The following GSE1 variants were observed in gnomAD, a reference collection of about 807,000 sequenced individuals.
The protein encoded by GSE1 is Gse1 coiled-coil protein.
A neutral mutation model predicts 112.6 loss-of-function variants in GSE1; 32 were observed. That is an observed-to-expected ratio of 0.28 (90% CI 0.21 to 0.38). GSE1 has a LOEUF of 0.38. GSE1 is among the 10% of genes least tolerant of loss of function. The probability of loss-of-function intolerance (pLI) is 1.00; values close to 1 mark genes in which losing one functional copy is unlikely to be tolerated. For missense variants in GSE1, 2,348 were observed against 1,699.2 expected (o/e 1.38, Z -6.71); for synonymous variants, 1,115 against 735.6 (o/e 1.52, Z -8.35).
At chr16:85,628,482 T>A (rs1219529401) in intron 1 of GSE1, among the ~76,000 whole-genome samples, 2 of 152,096 alleles carry the variant, frequency 1.3e-5, no homozygotes, top group East Asian at 1.9e-4. Flanking sequence ...CTGGTGATAG[T>A]GACACTGAGG....
chr16:85,304,355 C>T lies in GSE1; in HGVS notation c.2284-53108C>T, dbSNP rs548358128. 2.6e-3 allele frequency among the ~76,000 whole-genome samples: 398 copies of T among 152,286 alleles called. 2 individuals carry two copies. The highest frequency in any genetic ancestry group is 3.9e-3 in the Admixed American group (59 of 15,300). ...CTACAGCCAGGTGGGGAGAGGCCCT[C>T]GGTGGGGCCGGGGCTCTCTAGCAGA... On this transcript the variant is annotated intron_variant, in intron 1 of 2. Transcript: ENST00000637419.
chr16:85,269,100 A>G (rs911288093), intron 1 of GSE1, among the ~76,000 whole-genome samples: 6 of 149,530 alleles, frequency 4.0e-5, no homozygotes, highest in South Asian at 4.2e-4. Flanking sequence ...CCGAGCATCA[A>G]TGCCATTCAG....
intron 2 of GSE1, among the ~76,000 whole-genome samples, chr16:85,496,257 G>A (rs773507116): frequency 6.6e-6 from 1 of 152,222 alleles, no homozygotes; most frequent in Non-Finnish European, 1.5e-5. Context: ...CTCCAAGGCC[G>A]TCGTCAGGGA....
intron 1 of GSE1, among the ~76,000 whole-genome samples, chr16:85,194,750 T>C (rs1313342907): frequency 6.6e-6 from 1 of 152,204 alleles, no homozygotes; most frequent in Non-Finnish European, 1.5e-5. Context: ...CTGTGCAGTG[T>C]GTTTCAGGAA....
chr16:85,621,093 T>TG (rs1430189724), intron 1 of GSE1, among the ~76,000 whole-genome samples: 1 of 151,968 alleles, frequency 6.6e-6, no homozygotes, highest in Non-Finnish European at 1.5e-5. Flanking sequence ...TCTGCACTGT[T>TG]GGGGAACCCG....
intron 1 of GSE1, among the ~76,000 whole-genome samples, chr16:85,630,632 T>C (rs564800632): frequency 6.6e-6 from 1 of 152,352 alleles, no homozygotes; most frequent in East Asian, 1.9e-4. Flanking sequence ...TTTTTAACCA[T>C]TACAGTTCAA....
chr16:85,289,339 C>T, intron 1 of GSE1, among the ~76,000 whole-genome samples: 1 of 152,176 alleles, frequency 6.6e-6, no homozygotes, highest in East Asian at 1.9e-4. Context: ...AGCAGCTGCC[C>T]CACAAGGACT....
At chr16:85,422,533 C>T (rs1232044858) in intron 2 of GSE1, among the ~76,000 whole-genome samples, 1 of 151,212 alleles carries the variant, frequency 6.6e-6, no homozygotes. Context: ...TCCCCTTGTA[C>T]ACACGTTCAC....
At chr16:85,594,124 G>T (rs571436928) in intron 1 of GSE1, 1 of 151,808 alleles carries the variant, frequency 6.6e-6, no homozygotes, top group South Asian at 2.1e-4. Context: ...GGAGGAGGGG[G>T]ACCAGCCAGG....
intron 2 of GSE1, among the ~76,000 whole-genome samples, chr16:85,635,368 C>T (rs566123478): frequency 2.6e-5 from 4 of 152,316 alleles, no homozygotes; most frequent in African/African-American, 4.8e-5. Flanking sequence ...AAACCCTCCA[C>T]GCCCTTGGCA....
intron 2 of GSE1, among the ~76,000 whole-genome samples, chr16:85,387,617 T>C (rs1469851716): frequency 1.3e-5 from 2 of 152,254 alleles, no homozygotes; most frequent in Non-Finnish European, 2.9e-5. Context: ...GGTTGCTTTC[T>C]TCCTCTTGCT....
intron 8 of GSE1, among the ~76,000 whole-genome samples, chr16:85,660,699 C>T (rs2052357194): frequency 6.6e-6 from 1 of 151,918 alleles, no homozygotes; most frequent in Non-Finnish European, 1.5e-5. Context: ...GGCACGGTCT[C>T]AGCTCACTGC....
intron 1 of GSE1, among the ~76,000 whole-genome samples, chr16:85,259,581 T>G (rs67296788): frequency 0.41 from 61,811 of 152,078 alleles, 13,498 homozygotes; most frequent in African/African-American, 0.58. Flanking sequence ...CCAGGGCTAG[T>G]GGGAGGAGCT....
chr16:85,454,855 A>T (rs1353112449), intron 2 of GSE1, among the ~76,000 whole-genome samples: 1 of 152,046 alleles, frequency 6.6e-6, no homozygotes, highest in African/African-American at 2.4e-5. Context: ...GCCCACCCTA[A>T]TCTAGGATGA....
intron 1 of GSE1, among the ~76,000 whole-genome samples, chr16:85,213,390 C>T (rs2075258908): frequency 6.6e-6 from 1 of 152,010 alleles, no homozygotes; most frequent in Non-Finnish European, 1.5e-5. Flanking sequence ...GAGGTGGAGA[C>T]TGTAGTGAGC....
chr16:85,465,035 C>T (rs751812554), intron 2 of GSE1, among the ~76,000 whole-genome samples: 4 of 152,208 alleles, frequency 2.6e-5, no homozygotes, highest in Admixed American at 6.5e-5. Flanking sequence ...GAGGTGCAGA[C>T]GGGAGAGGCT....
intron 2 of GSE1, among the ~76,000 whole-genome samples, chr16:85,545,381 A>G (rs2044660801): frequency 6.6e-6 from 1 of 152,242 alleles, no homozygotes; most frequent in African/African-American, 2.4e-5. Context: ...ACAGTTCTGC[A>G]TGTAGACTGC....
intron 1 of GSE1, among the ~76,000 whole-genome samples, chr16:85,223,112 TATCTC>T (rs1403280914): frequency 2.0e-5 from 3 of 152,182 alleles, no homozygotes; most frequent in Admixed American, 6.5e-5. Flanking sequence ...CCATTTGTCT[TATCTC>T]AGGAAGAGGC....
At chr16:85,486,362 C>T (rs1310461126) in intron 2 of GSE1, among the ~76,000 whole-genome samples, 2 of 152,222 alleles carry the variant, frequency 1.3e-5, no homozygotes, top group Non-Finnish European at 2.9e-5. Flanking sequence ...CCCGGGAAGC[C>T]TTCCAAGGGC....
Sources: gnomAD v4.1 joint callset for allele counts (sites outside exome capture counted in the v4.1 genomes callset) on GRCh38, gnomAD v4.1.1 for gene constraint, MANE v1.5 for transcripts, NCBI Gene and HGNC (gene_info 2026-07-23, HGNC 2026-07-21) for gene names.